The following TBC1D9 variants were observed in gnomAD, a reference collection of about 807,000 sequenced individuals.
TBC1D9 encodes TBC1 domain family member 9.
Under a neutral mutation model 132.0 loss-of-function variants are expected in TBC1D9, and 63 were observed. That is an observed-to-expected ratio of 0.48 (90% CI 0.39 to 0.59). The LOEUF is 0.59. Ranked by LOEUF, TBC1D9 falls within the 20% of genes least tolerant of loss-of-function variation. TBC1D9 has a pLI of 0.00. For synonymous variants in TBC1D9, 610 were observed against 609.9 expected (o/e 1.00, Z 0.00); for missense variants, 1,261 against 1,592.7 (o/e 0.79, Z 3.54).
chr4:140,661,128 A>G (rs1737353314), intron 10 of TBC1D9, among the ~76,000 whole-genome samples: 1 of 151,996 alleles, frequency 6.6e-6, no homozygotes, highest in South Asian at 2.1e-4. Flanking sequence ...GTTAGCCAGG[A>G]TGGTCTCGAT....
intron 1 of TBC1D9, among the ~76,000 whole-genome samples, chr4:140,744,300 AC>A (rs1037577032): frequency 1.3e-5 from 2 of 151,830 alleles, no homozygotes; most frequent in African/African-American, 4.8e-5. Context: ...TAAAATTCTG[AC>A]CCCCCAACTG....
intron 13 of TBC1D9, among the ~76,000 whole-genome samples, chr4:140,647,942 G>A (rs573285294): frequency 7.2e-5 from 11 of 152,082 alleles, no homozygotes; most frequent in African/African-American, 2.2e-4. Flanking sequence ...TCCCTCCCCC[G>A]ACTTTGGGAG....
At chr4:140,729,862 T>C (rs1360112048) in intron 1 of TBC1D9, among the ~76,000 whole-genome samples, 1 of 150,786 alleles carries the variant, frequency 6.6e-6, no homozygotes, top group Non-Finnish European at 1.5e-5. Context: ...TGAGTGGTTA[T>C]TTCATTGAAT....
intron 13 of TBC1D9, chr4:140,643,519 C>G: frequency 1.1e-6 from 1 of 881,362 alleles, no homozygotes; most frequent in Admixed American, 2.0e-5. Context: ...CTCGGGCACT[C>G]TCCCTCCCCG....
chr4:140,640,199 G>T (rs6813507), intron 13 of TBC1D9, among the ~76,000 whole-genome samples: 35,958 of 151,898 alleles, frequency 0.24, 6,015 homozygotes, highest in African/African-American at 0.48. Flanking sequence ...CAAGTCACAG[G>T]AGGCTATGTG....
At position 140,704,435 on chromosome 4, in the gene TBC1D9, G is replaced by GAAA. The variant is rs11317574; in HGVS notation, c.131-2824_131-2822dup. 3.3e-4 allele frequency among the ~76,000 whole-genome samples: 37 copies of GAAA among 113,396 alleles called. 1 individual carries two copies. The highest frequency in any genetic ancestry group is 1.1e-3 in the African/African-American group (36 of 31,606). The allele number at this position is 113,396 out of a possible 152,430, so 74.4% of individuals were successfully genotyped here. On this transcript the variant is annotated intron_variant, in intron 1 of 20. Transcript: ENST00000442267. ...AACAAACAAACAAAACAAAAAATCA[G>GAAA]AAAAAAAAAAAAAAAAGAAAAGGAC...
intron 2 of TBC1D9, among the ~76,000 whole-genome samples, chr4:140,696,241 T>C (rs1051970951): frequency 6.6e-6 from 1 of 151,878 alleles, no homozygotes; most frequent in Non-Finnish European, 1.5e-5. Context: ...GCAGATCACC[T>C]GAGTCAGGAG....
intron 15 of TBC1D9, among the ~76,000 whole-genome samples, chr4:140,638,329 C>T (rs548956867): frequency 2.6e-5 from 4 of 151,624 alleles, no homozygotes; most frequent in Admixed American, 6.6e-5. Flanking sequence ...TTTTTCCAAA[C>T]GAAAAAATTG....
chr4:140,631,003 T>C (rs761410180), intron 16 of TBC1D9, among the ~76,000 whole-genome samples: 3 of 152,232 alleles, frequency 2.0e-5, no homozygotes, highest in African/African-American at 7.2e-5. Context: ...GCTCTCTCAG[T>C]TGAAATGAAC....
At chr4:140,745,285 A>T (rs1738820619) in intron 1 of TBC1D9, among the ~76,000 whole-genome samples, 2 of 152,148 alleles carry the variant, frequency 1.3e-5, no homozygotes, top group Admixed American at 1.3e-4. Context: ...AATATTTTAC[A>T]GAGTTTGATT....
chr4:140,731,613 A>G (rs1175439344), intron 1 of TBC1D9, among the ~76,000 whole-genome samples: 1 of 152,134 alleles, frequency 6.6e-6, no homozygotes, highest in East Asian at 1.9e-4. Context: ...CGTGTCTTAT[A>G]GAATGAACAC....
chr4:140,659,643 C>A lies in TBC1D9; in HGVS notation c.1866G>T (p.Leu622=). Reference sequence around the variant, plus strand: ...GCATGCGCTCACACAAAGCCACAAGCAGCCAGAAAGCTTCCTCCTCTTTGG... The same window carrying A: ...GCATGCGCTCACACAAAGCCACAAGAAGCCAGAAAGCTTCCTCCTCTTTGG... ...LYAKEEEAFW[L]LVALCERMLP... Residue 622 remains leucine (L), a synonymous_variant, in exon 11 of 21, where the codon CTG becomes CTT. Transcript: ENST00000442267. 6.2e-7 allele frequency: 1 copy of A among 1,607,918 alleles called. No individual in the cohort carries two copies. Among genetic ancestry groups the A allele is most frequent in the Non-Finnish European group, 8.5e-7 (1 of 1,177,264 alleles).
At chr4:140,750,251 G>A (rs1223164851) in intron 1 of TBC1D9, among the ~76,000 whole-genome samples, 1 of 152,112 alleles carries the variant, frequency 6.6e-6, no homozygotes, top group Non-Finnish European at 1.5e-5. Flanking sequence ...ATAAGAGTAT[G>A]TACAATTGCC....
At chr4:140,626,424 T>A (rs1736710844) in intron 18 of TBC1D9, among the ~76,000 whole-genome samples, 1 of 152,210 alleles carries the variant, frequency 6.6e-6, no homozygotes, top group African/African-American at 2.4e-5. Context: ...AGACTGAGCC[T>A]GGCTCACTCT....
intron 1 of TBC1D9, among the ~76,000 whole-genome samples, chr4:140,751,971 C>G (rs1175787758): frequency 6.6e-6 from 1 of 152,196 alleles, no homozygotes; most frequent in Non-Finnish European, 1.5e-5. Flanking sequence ...CTTCCATATG[C>G]TGCTGGTGGG....
At position 140,622,339 on chromosome 4, in the gene TBC1D9, G is replaced by A; in HGVS notation, c.3657C>T (p.Ser1219=). Residue 1219 remains serine (S), a synonymous_variant, in exon 21 of 21, where the codon TCC becomes TCT. Coordinates refer to ENST00000442267, the MANE Select transcript of TBC1D9 (RefSeq NM_015130.3). ...TGACCAGGGCAGGCTCAGTTAAGAG[G>A]GAGGCCAGGAACTGCTCGAAGGTGA... The part of the protein sequence containing the change: ...WAITFEQFLA[S]LLTEPALVKY... 9 of 1,613,746 alleles carry A rather than the reference G, an allele frequency of 5.6e-6. No homozygotes were observed. Among genetic ancestry groups the A allele is most frequent in the Non-Finnish European group, 7.6e-6 (9 of 1,179,646 alleles).
chr4:140,747,094 T>A (rs567542855), intron 1 of TBC1D9, among the ~76,000 whole-genome samples: 1 of 152,224 alleles, frequency 6.6e-6, no homozygotes, highest in East Asian at 1.9e-4. Context: ...ATGCCTGTAA[T>A]CCCAGCACTT....
rs567666903 is a variant in TBC1D9 at position 140,692,288 on chromosome 4, T to G, written c.242-5826A>C. Among the ~76,000 whole-genome samples the G allele has an allele frequency of 4.6e-5, 7 of 152,340 alleles. No individual in the cohort carries two copies. The South Asian group carries it at 1.2e-3, about 27-fold the overall frequency. ...GTATTTTCAGATTCAGAACAGGCTA[T>G]GTGGATCACTGAGTTCACATGAATT... is the stretch of plus-strand genomic sequence containing the variant. On this transcript the variant is annotated intron_variant, in intron 2 of 20. Transcript: ENST00000442267.
chr4:140,709,250 A>C (rs4956331), intron 1 of TBC1D9, among the ~76,000 whole-genome samples: 1 of 77,744 alleles, frequency 1.3e-5, no homozygotes, highest in Admixed American at 1.4e-4. Context: ...TCTCTCTCTC[A>C]CACACACACA....
Sources: allele counts gnomAD v4.1 joint callset (sites outside exome capture counted in the v4.1 genomes callset), GRCh38; gene constraint gnomAD v4.1.1; transcripts MANE v1.5; gene names NCBI Gene and HGNC (gene_info 2026-07-23, HGNC 2026-07-21).